The following CHEK1 variants were observed in gnomAD, a reference collection of about 807,000 sequenced individuals.
CHEK1 encodes serine/threonine-protein kinase Chk1.
Under a neutral mutation model 60.2 loss-of-function variants are expected in CHEK1, and 32 were observed. The ratio of observed to expected loss-of-function variants is 0.53; its 90% CI spans 0.40 to 0.71. The LOEUF (loss-of-function observed/expected upper bound fraction) is 0.71, where lower values mean the gene tolerates loss of function less well. Ranked by LOEUF, CHEK1 falls within the 30% of genes least tolerant of loss-of-function variation. The pLI, the probability that CHEK1 is intolerant of heterozygous loss-of-function variation, is 0.00. For synonymous variants in CHEK1, 179 were observed against 187.2 expected (o/e 0.96, Z 0.36); for missense variants, 399 against 564.6 (o/e 0.71, Z 2.97).
chr11:125,640,787 C>CT (rs1015785548), intron 8 of CHEK1, among the ~76,000 whole-genome samples: 2 of 151,988 alleles, frequency 1.3e-5, no homozygotes, highest in Non-Finnish European at 2.9e-5. Context: ...CTATGCTTTT[C>CT]TACCAAAAAT....
chr11:125,641,471 G>A (rs1941303281), intron 8 of CHEK1, among the ~76,000 whole-genome samples: 1 of 152,074 alleles, frequency 6.6e-6, no homozygotes, highest in South Asian at 2.1e-4. Flanking sequence ...TATGTTGATA[G>A]TCACATTTAT....
downstream of CHEK1, among the ~76,000 whole-genome samples, chr11:125,678,454 A>T (rs1249023048): frequency 1.3e-5 from 2 of 152,160 alleles, no homozygotes; most frequent in Non-Finnish European, 2.9e-5. Context: ...AAAATCAACT[A>T]AGTATCCCAA....
intron 3 of CHEK1, 97 bp from the exon 4 acceptor site, chr11:125,629,135 A>G (rs1940753816): frequency 2.5e-6 from 3 of 1,199,452 alleles, no homozygotes; most frequent in African/African-American, 1.5e-5. Flanking sequence ...CTGTTTGCCT[A>G]AGCACATTTG....
chr11:125,662,176 A>G (rs945956895), intron 13 of CHEK1, among the ~76,000 whole-genome samples: 1 of 152,244 alleles, frequency 6.6e-6, no homozygotes, highest in Non-Finnish European at 1.5e-5. Context: ...AACAACAAAC[A>G]TCTATTTCTA....
chr11:125,630,760 A>G (rs1346197054), intron 5 of CHEK1, among the ~76,000 whole-genome samples: 3 of 152,348 alleles, frequency 2.0e-5, no homozygotes, highest in Non-Finnish European at 4.4e-5. Context: ...ATGTAAATAT[A>G]TGTATATCAA....
intron 13 of CHEK1, among the ~76,000 whole-genome samples, chr11:125,662,316 A>G (rs888717594): frequency 1.3e-5 from 2 of 151,300 alleles, no homozygotes; most frequent in Non-Finnish European, 2.9e-5. Flanking sequence ...GCAGCTCTTT[A>G]GGGCCTCTTT....
chr11:125,676,461 A>G, downstream of CHEK1: 1 of 1,614,188 alleles, frequency 6.2e-7, no homozygotes. Flanking sequence ...GCACATGTGT[A>G]GCAATTTAAT....
intron 8 of CHEK1, among the ~76,000 whole-genome samples, chr11:125,642,090 A>G (rs1229012244): frequency 1.3e-5 from 2 of 152,136 alleles, no homozygotes; most frequent in Non-Finnish European, 2.9e-5. Flanking sequence ...CTGTTTTTGT[A>G]GTGACTGTTC....
At chr11:125,654,075 A>C (rs1941823497) in intron 12 of CHEK1, among the ~76,000 whole-genome samples, 1 of 152,102 alleles carries the variant, frequency 6.6e-6, no homozygotes, top group Admixed American at 6.5e-5. Flanking sequence ...TCATGCCTGT[A>C]ATCCCAGCAC....
intron 11 of CHEK1, among the ~76,000 whole-genome samples, chr11:125,651,284 C>CTTTTTTT (rs1491232730): frequency 7.5e-6 from 1 of 133,190 alleles, no homozygotes. Flanking sequence ...AAAGACAAGC[C>CTTTTTTT]TCTTTTTTTT....
At chr11:125,657,265 AAAT>A (rs1941931060), downstream of CHEK1, 1 of 115,288 alleles carries the variant, frequency 8.7e-6, no homozygotes, top group Non-Finnish European at 2.0e-5. Flanking sequence ...AATTATATAA[AAAT>A]ATGTGTGTGT....
At chr11:125,649,371 T>C (rs1462137893) in intron 11 of CHEK1, among the ~76,000 whole-genome samples, 2 of 151,848 alleles carry the variant, frequency 1.3e-5, no homozygotes, top group Non-Finnish European at 2.9e-5. Context: ...CTTTTGGTTA[T>C]TGTTTCCATG....
At chr11:125,675,979 C>G (rs1942486115) in exon 14 of CHEK1, 1 of 175,888 alleles carries the variant, frequency 5.7e-6, no homozygotes, top group Non-Finnish European at 1.2e-5. Flanking sequence ...ATGATCTCAG[C>G]TTACTGCAAC....
intron 8 of CHEK1, among the ~76,000 whole-genome samples, chr11:125,639,816 T>C (rs521697): frequency 0.46 from 69,195 of 152,000 alleles, 16,625 homozygotes; most frequent in Admixed American, 0.57. Flanking sequence ...TGCTCATGTA[T>C]TCTCTTTCAT....
At chr11:125,645,108 T>A (rs967980896) in intron 11 of CHEK1, among the ~76,000 whole-genome samples, 9 of 152,330 alleles carry the variant, frequency 5.9e-5, no homozygotes, top group South Asian at 4.1e-4. Context: ...TACTTTTTTT[T>A]ATTTTGTTTT....
chr11:125,667,683 C>T (rs1451312228), intron 13 of CHEK1, among the ~76,000 whole-genome samples: 4 of 152,104 alleles, frequency 2.6e-5, no homozygotes, highest in Non-Finnish European at 4.4e-5. Flanking sequence ...GGCAGTGGCA[C>T]GATCTCAGTT....
chr11:125,643,632 A>G, intron 8 of CHEK1, 160 bp from the exon 9 acceptor site: 1 of 569,418 alleles, frequency 1.8e-6, no homozygotes. Context: ...TATTTTTTAT[A>G]AAATCATATA....
intron 5 of CHEK1, among the ~76,000 whole-genome samples, chr11:125,629,728 A>AT (rs36086157): frequency 0.35 from 52,102 of 148,030 alleles, 9,132 homozygotes; most frequent in South Asian, 0.44. Flanking sequence ...TATAAGAATA[A>AT]TTTTTTTTTT....
chr11:125,649,972 C>T (rs1446120945), intron 11 of CHEK1: 1 of 152,154 alleles, frequency 6.6e-6, no homozygotes, highest in Non-Finnish European at 1.5e-5. Flanking sequence ...TTATGTGAGA[C>T]GTTGCTGCTC....
Sources: allele counts gnomAD v4.1 joint callset (sites outside exome capture counted in the v4.1 genomes callset), GRCh38; gene constraint gnomAD v4.1.1; transcripts MANE v1.5; gene names NCBI Gene and HGNC (gene_info 2026-07-23, HGNC 2026-07-21).